The following OTOP1 variants were observed in gnomAD, a reference collection of about 807,000 sequenced individuals.
OTOP1 encodes proton channel OTOP1.
A neutral mutation model predicts 52.9 loss-of-function variants in OTOP1; 59 were observed. The ratio of observed to expected loss-of-function variants is 1.12; its 90% confidence interval spans 0.91 to 1.39. OTOP1 has a LOEUF of 1.39. Among genes scored for constraint, OTOP1 ranks in the 40% most tolerant of loss-of-function variants. The pLI, the probability that OTOP1 is intolerant of heterozygous loss-of-function variation, is 0.00. For missense variants in OTOP1, 761 were observed against 800.9 expected (o/e 0.95, Z 0.60); for synonymous variants, 317 against 337.7 (o/e 0.94, Z 0.67).
chr4:4,207,388 C>A (rs751707629), intron 2 of OTOP1, among the ~76,000 whole-genome samples: 2 of 152,124 alleles, frequency 1.3e-5, no homozygotes, highest in Non-Finnish European at 2.9e-5. Flanking sequence ...CACCCACACA[C>A]TTTGAGAAGA....
intron 1 of OTOP1, among the ~76,000 whole-genome samples, chr4:4,223,409 A>AGATG (rs35580858): frequency 0.6 from 88,980 of 148,876 alleles, 26,875 homozygotes; most frequent in South Asian, 0.69. Flanking sequence ...ATGGACGGAC[A>AGATG]GATGGATGGA....
intron 4 of OTOP1, among the ~76,000 whole-genome samples, chr4:4,199,630 C>G (rs1238278704): frequency 3.9e-5 from 6 of 152,152 alleles, no homozygotes; most frequent in African/African-American, 1.4e-4. Flanking sequence ...CTAGGCTGGT[C>G]TTGAACTCCT....
intron 1 of OTOP1, among the ~76,000 whole-genome samples, chr4:4,221,756 A>T (rs372878708): frequency 4.6e-5 from 7 of 152,210 alleles, no homozygotes; most frequent in South Asian, 2.1e-4. Context: ...AATGATTCAT[A>T]ATTTGCTGTG....
chr4:4,198,643 G>A (rs1716707657), intron 4 of OTOP1, among the ~76,000 whole-genome samples: 1 of 152,132 alleles, frequency 6.6e-6, no homozygotes, highest in East Asian at 1.9e-4. Context: ...TGCCTCTTAA[G>A]ACTCCAGTGC....
At chr4:4,215,601 A>G (rs1363077602) in intron 1 of OTOP1, among the ~76,000 whole-genome samples, 4 of 152,070 alleles carry the variant, frequency 2.6e-5, no homozygotes, top group Non-Finnish European at 5.9e-5. Context: ...TGGAGGTTGC[A>G]GTGAGCCGAG....
chr4:4,194,798 C>T (rs890877143), intron 5 of OTOP1, among the ~76,000 whole-genome samples: 1 of 152,376 alleles, frequency 6.6e-6, no homozygotes, highest in East Asian at 1.9e-4. Context: ...GTCACCATCA[C>T]TGCAGAGACT....
At chr4:4,196,504 C>A (rs1335024671) in intron 5 of OTOP1, among the ~76,000 whole-genome samples, 2 of 152,206 alleles carry the variant, frequency 1.3e-5, no homozygotes, top group Non-Finnish European at 2.9e-5. Context: ...TTGCAGTGAG[C>A]CAAGATCGCA....
intron 1 of OTOP1, among the ~76,000 whole-genome samples, chr4:4,223,368 A>T (rs1261634527): frequency 1.3e-5 from 2 of 151,890 alleles, no homozygotes; most frequent in Admixed American, 1.3e-4. Context: ...AGGCAGAGAG[A>T]GAGGAAGAAC....
At chr4:4,199,905 C>A (rs1478648509) in intron 4 of OTOP1, among the ~76,000 whole-genome samples, 1 of 152,078 alleles carries the variant, frequency 6.6e-6, no homozygotes, top group Non-Finnish European at 1.5e-5. Flanking sequence ...GTGGAGTCAA[C>A]TACAATAAAA....
In OTOP1 at chr4:4,197,570, T is replaced by A; in HGVS notation, c.1264A>T (p.Thr422Ser). 1 of 1,613,688 alleles carries A rather than the reference T, an allele frequency of 6.2e-7. No individual in the cohort carries two copies. Among genetic ancestry groups the A allele is most frequent in the African/African-American group, 1.3e-5 (1 of 74,868 alleles). Reference sequence around the variant, plus strand: ...ATGGAGTAGGGCAGGTTGTACCAGGTGTAGCGGGGGTGGCCCTCAGCACAG... The same window carrying A: ...ATGGAGTAGGGCAGGTTGTACCAGGAGTAGCGGGGGTGGCCCTCAGCACAG... ...ILCAEGHPRY[T>S]WYNLPYSILA... is the part of the protein sequence containing the mutation. Residue 422 changes from threonine (T) to serine (S), a missense_variant, in exon 5 of 6, where the codon ACC (threonine) becomes TCC (serine). By Grantham distance (58) the Thr-to-Ser change is moderately conservative. Coordinates refer to ENST00000296358, the MANE Select transcript of OTOP1 (RefSeq NM_177998.3).
chr4:4,219,682 G>T (rs1267565070), intron 1 of OTOP1, among the ~76,000 whole-genome samples: 1 of 138,700 alleles, frequency 7.2e-6, no homozygotes, highest in African/African-American at 2.5e-5. Flanking sequence ...GGGCGACAGA[G>T]CGAGACTCTG....
At chr4:4,196,467 G>T (rs1716627631) in intron 5 of OTOP1, among the ~76,000 whole-genome samples, 1 of 152,240 alleles carries the variant, frequency 6.6e-6, no homozygotes, top group Non-Finnish European at 1.5e-5. Context: ...TGAGGCAGGA[G>T]AATCACTTCA....
intron 1 of OTOP1, among the ~76,000 whole-genome samples, chr4:4,213,541 C>A (rs976480653): frequency 2.0e-5 from 3 of 152,146 alleles, no homozygotes; most frequent in African/African-American, 7.2e-5. Flanking sequence ...ACATTAAATA[C>A]CTCATATAAT....
In OTOP1 at chr4:4,197,241, G is replaced by C. The variant is rs1430907234; in HGVS notation, c.1593C>G (p.Pro531=). 1.9e-6 allele frequency: 3 copies of C among 1,614,088 alleles called. No homozygotes were observed. The highest frequency in any genetic ancestry group is 1.3e-5 in the African/African-American group (1 of 75,046). Residue 531 remains proline (P), a synonymous_variant, in exon 5 of 6, where the codon CCC becomes CCG. Coordinates refer to ENST00000296358, the MANE Select transcript of OTOP1 (RefSeq NM_177998.3). Reference sequence around the variant, plus strand: ...TCTTGGCGTTGCCCTGTAAGAAACGGGGAAGGCGGACTGGGCTTGGGCTCC... The same window carrying C: ...TCTTGGCGTTGCCCTGTAAGAAACGCGGAAGGCGGACTGGGCTTGGGCTCC... ...WGGSPSPVRL[P]RFLQGNAKRK...
chr4:4,200,400 C>T (rs924864898), intron 4 of OTOP1, among the ~76,000 whole-genome samples: 8 of 150,738 alleles, frequency 5.3e-5, no homozygotes, highest in Non-Finnish European at 8.8e-5. Context: ...GTGTGACTCC[C>T]GGGAGGCAGA....
chr4:4,197,760 C>T lies in OTOP1; in HGVS notation c.1074G>A (p.Leu358=), dbSNP rs1301609984. The change falls in exon 5 of 6, where the codon CTG becomes CTA. Residue 358 remains leucine (L), a synonymous_variant. Transcript: ENST00000296358. ...CCAGCCCCGCAGCCCCCATAAGCAT[C>T]AGCAGGGTGATGGCATACAGGTAGA... ...IMFYLYAITL[L]MLMGAAGLAG... The T allele has an allele frequency of 1.2e-6, 2 of 1,613,934 alleles. No individual in the cohort carries two copies. Among genetic ancestry groups the T allele is most frequent in the Admixed American group, 1.7e-5 (1 of 59,982 alleles).
chr4:4,209,898 A>G (rs1716988232), intron 2 of OTOP1, among the ~76,000 whole-genome samples: 1 of 151,966 alleles, frequency 6.6e-6, no homozygotes, highest in Non-Finnish European at 1.5e-5. Flanking sequence ...CATCCCAAAG[A>G]CACCCTCTTC....
chr4:4,201,587 G>A (rs1285165547), intron 4 of OTOP1, among the ~76,000 whole-genome samples: 1 of 151,980 alleles, frequency 6.6e-6, no homozygotes, highest in African/African-American at 2.4e-5. Context: ...CTGGTTGGGG[G>A]TGGTGACTTC....
At chr4:4,199,973 T>C (rs533541840) in intron 4 of OTOP1, among the ~76,000 whole-genome samples, 4 of 152,256 alleles carry the variant, frequency 2.6e-5, no homozygotes, top group Non-Finnish European at 5.9e-5. Context: ...CATACACACA[T>C]AGGTACATGC....
Sources: gnomAD v4.1 joint callset for allele counts (sites outside exome capture counted in the v4.1 genomes callset) on GRCh38, gnomAD v4.1.1 for gene constraint, MANE v1.5 for transcripts, NCBI Gene and HGNC (gene_info 2026-07-23, HGNC 2026-07-21) for gene names.